The following CYREN variants were observed in gnomAD, a reference collection of about 807,000 sequenced individuals.
CYREN encodes the protein cell cycle regulator of non-homologous end joining.
In CYREN, 7 loss-of-function variants were observed where a neutral mutation model predicts 9.7. The ratio of observed to expected loss-of-function variants is 0.72; its 90% CI spans 0.41 to 1.36. CYREN has a LOEUF of 1.36. Among genes scored for constraint, CYREN ranks in the 40% most tolerant of loss-of-function variants. The pLI, the probability that CYREN is intolerant of heterozygous loss-of-function variation, is 0.01. For synonymous variants in CYREN, 76 were observed against 77.9 expected, an observed-to-expected ratio of 0.98 and a Z score of 0.13; for missense variants, 215 against 198.1, an observed-to-expected ratio of 1.09 and a Z score of -0.51.
intron 2 of CYREN, among the ~76,000 whole-genome samples, chr7:135,116,632 G>A (rs1297032838): frequency 6.6e-6 from 1 of 152,166 alleles, no homozygotes; most frequent in Non-Finnish European, 1.5e-5. Flanking sequence ...AGGCCAGTGG[G>A]AGGGTCAAAG....
downstream of CYREN, among the ~76,000 whole-genome samples, chr7:135,160,947 G>A (rs1040280944): frequency 6.6e-6 from 1 of 152,172 alleles, no homozygotes; most frequent in African/African-American, 2.4e-5. Context: ...CTGGGGGGTG[G>A]CTGAGGATGG....
intron 2 of CYREN, among the ~76,000 whole-genome samples, chr7:135,110,167 T>TC (rs1448173132): frequency 1.3e-5 from 2 of 152,082 alleles, no homozygotes; most frequent in African/African-American, 4.8e-5. Flanking sequence ...TCCAAGCCAG[T>TC]CCCTCTGGGA....
intron 2 of CYREN, chr7:135,168,258 C>A (rs760141981): frequency 5.7e-6 from 1 of 176,786 alleles, no homozygotes; most frequent in African/African-American, 2.8e-5. Context: ...GCTGGGGCCC[C>A]GCCCACTTCA....
intron 2 of CYREN, among the ~76,000 whole-genome samples, chr7:135,158,101 A>T (rs1263454447): frequency 1.3e-5 from 2 of 152,074 alleles, no homozygotes; most frequent in Non-Finnish European, 2.9e-5. Flanking sequence ...CATCAAGTTG[A>T]ACTCAGCAAG....
chr7:135,128,789 C>A, intron 2 of CYREN: 1 of 1,226,510 alleles, frequency 8.2e-7, no homozygotes, highest in Non-Finnish European at 1.2e-6. Context: ...ACTTCTGGAT[C>A]TGATACAGAC....
chr7:135,103,526 T>G (rs767687021), intron 2 of CYREN, among the ~76,000 whole-genome samples: 2 of 152,210 alleles, frequency 1.3e-5, no homozygotes, highest in Non-Finnish European at 1.5e-5. Context: ...ACAGGAGTTT[T>G]ATCTGATCCG....
chr7:135,135,581 A>G (rs1829311586), intron 2 of CYREN: 1 of 185,670 alleles, frequency 5.4e-6, no homozygotes, highest in South Asian at 1.7e-4. Context: ...AAACTTAAGA[A>G]CTCAAAGTAG....
chr7:135,127,273 A>G (rs558094196), intron 2 of CYREN, among the ~76,000 whole-genome samples: 15 of 152,126 alleles, frequency 9.9e-5, no homozygotes, highest in Non-Finnish European at 1.6e-4. Context: ...AAAAAGCTCA[A>G]TGGTTGGGTG....
intron 2 of CYREN, among the ~76,000 whole-genome samples, chr7:135,132,236 A>G (rs1240968313): frequency 6.6e-6 from 1 of 152,354 alleles, no homozygotes; most frequent in East Asian, 1.9e-4. Flanking sequence ...AAGATTTTGC[A>G]TAAATATAGA....
chr7:135,128,544 C>T, intron 2 of CYREN: 2 of 766,748 alleles, frequency 2.6e-6, no homozygotes, highest in Non-Finnish European at 2.4e-6. Context: ...GGTGGAGAAA[C>T]CAGGATCTAT....
Position 135,166,788 on chromosome 7 carries a change from C to T in CYREN, c.297G>A (p.Ser99=), listed in dbSNP as rs146289482. Residue 99 remains serine (S), a synonymous_variant, in exon 4 of 4, where the codon TCG becomes TCA. Transcript: ENST00000393114. ...NPEHSPPCSV[S]PHTSSGSSSE... is the part of the protein sequence containing the mutation. Reference sequence around the variant, plus strand: ...TGCTGCTCCCAGAACTTGTGTGAGGCGACACGGAGCAGGGAGGGGAGTGCT... The same window carrying T: ...TGCTGCTCCCAGAACTTGTGTGAGGTGACACGGAGCAGGGAGGGGAGTGCT... 3.6e-5 allele frequency: 58 copies of T among 1,614,024 alleles called. No individual in the cohort carries two copies. The Middle Eastern group carries it at 8.2e-4, about 23-fold the overall frequency.
At chr7:135,124,050 C>A (rs1411332502) in intron 2 of CYREN, among the ~76,000 whole-genome samples, 1 of 152,084 alleles carries the variant, frequency 6.6e-6, no homozygotes, top group Non-Finnish European at 1.5e-5. Context: ...ACAATACTAA[C>A]CTTAAATGTA....
At chr7:135,160,346 C>T (rs1027272543) in intron 2 of CYREN, among the ~76,000 whole-genome samples, 1 of 152,292 alleles carries the variant, frequency 6.6e-6, no homozygotes. Context: ...GAAACACTGG[C>T]TTATCATTAA....
At chr7:135,167,304 G>C (rs1255222349) in intron 3 of CYREN, 1 of 1,069,394 alleles carries the variant, frequency 9.4e-7, no homozygotes, top group Non-Finnish European at 1.1e-6. Flanking sequence ...AGAATGCTGT[G>C]CAACTCTGAG....
chr7:135,094,170 C>G (rs1822291868), exon 3 of CYREN: 3 of 341,968 alleles, frequency 8.8e-6, no homozygotes, highest in Middle Eastern at 7.9e-4. Context: ...ACTATTTAAA[C>G]AGATAATAAG....
chr7:135,152,432 T>C (rs921881296), intron 2 of CYREN, among the ~76,000 whole-genome samples: 1 of 152,250 alleles, frequency 6.6e-6, no homozygotes, highest in African/African-American at 2.4e-5. Flanking sequence ...GGCTCCATCA[T>C]TCACTGGCTG....
chr7:135,151,862 T>G lies in CYREN; in HGVS notation n.356+16887A>C, dbSNP rs1829673980. ...ACCCATGCTCCTTACCACCACACTG[T>G]GCTACCTCTCAACAGGCAGCTGCAT... On this transcript the variant is annotated intron_variant and non_coding_transcript_variant, in intron 2 of 2. Transcript: ENST00000459937. This position sits in a 1 kb window ranked among gnomAD's most constrained non-coding sequence, Gnocchi z 4.3. Among the ~76,000 whole-genome samples, 1 of 152,218 alleles carries G rather than the reference T, an allele frequency of 6.6e-6. No homozygotes were observed. The highest frequency in any genetic ancestry group is 2.4e-5 in the African/African-American group (1 of 41,454).
At chr7:135,122,007 C>A (rs1242337740) in intron 2 of CYREN, among the ~76,000 whole-genome samples, 2 of 152,226 alleles carry the variant, frequency 1.3e-5, no homozygotes, top group Non-Finnish European at 2.9e-5. Context: ...TCTGCTTAAG[C>A]CTACAGAGCT....
At chr7:135,168,663 G>T in intron 2 of CYREN, 123 bp downstream of exon 2, 1 of 1,413,672 alleles carries the variant, frequency 7.1e-7, no homozygotes, top group Non-Finnish European at 9.5e-7. Context: ...CTCAAGAGAT[G>T]ATCAGACTGA....
Sources: allele counts gnomAD v4.1 joint callset (sites outside exome capture counted in the v4.1 genomes callset), GRCh38; gene constraint gnomAD v4.1.1; non-coding constraint Gnocchi (gnomAD v3.1); transcripts MANE v1.5; gene names NCBI Gene and HGNC (gene_info 2026-07-23, HGNC 2026-07-21).